Variants in TDRD5 observed in about 807,000 individuals in gnomAD.
TDRD5 encodes tudor domain-containing protein 5.
In TDRD5, 41 loss-of-function variants were observed where a neutral mutation model predicts 120.6. The ratio of observed to expected loss-of-function variants is 0.34; its 90% confidence interval spans 0.26 to 0.44. TDRD5 has a LOEUF of 0.44. TDRD5 is among the 20% of genes least tolerant of loss of function. The pLI is 1.00. For missense variants in TDRD5, 1,006 were observed against 1,221.2 expected (o/e 0.82, Z 2.63); for synonymous variants, 430 against 433.7 (o/e 0.99, Z 0.11).
chr1:179,634,385 A>G, intron 7 of TDRD5, 72 bp from the exon 8 acceptor site: 1 of 1,483,438 alleles, frequency 6.7e-7, no homozygotes, highest in Non-Finnish European at 9.1e-7. Context: ...AGCTATTTTA[A>G]CAAATATGCA....
At chr1:179,634,765 T>C (rs557895003) in intron 8 of TDRD5, 136 bp downstream of exon 8, 1 of 1,079,606 alleles carries the variant, frequency 9.3e-7, no homozygotes, top group South Asian at 2.1e-5. Flanking sequence ...AAATCATCTT[T>C]GTATTGAAGT....
chr1:179,599,785 C>A (rs1235184405), intron 4 of TDRD5, among the ~76,000 whole-genome samples: 1 of 152,152 alleles, frequency 6.6e-6, no homozygotes, highest in Admixed American at 6.5e-5. Flanking sequence ...AACAAGACTG[C>A]ATGTGCAACA....
At chr1:179,687,138 G>A (rs955523151) in intron 17 of TDRD5, among the ~76,000 whole-genome samples, 3 of 152,100 alleles carry the variant, frequency 2.0e-5, no homozygotes, top group African/African-American at 7.2e-5. Context: ...TGATGTTAGG[G>A]TGTCAATTTT....
intron 17 of TDRD5, among the ~76,000 whole-genome samples, chr1:179,685,047 A>G (rs1392041110): frequency 6.6e-6 from 1 of 152,164 alleles, no homozygotes; most frequent in Non-Finnish European, 1.5e-5. Flanking sequence ...TCTTTAGTTT[A>G]GTTAGATCCC....
rs189377544 is a variant in TDRD5, at chr1:179,603,173, C to T, written c.831+7355C>T. Among the ~76,000 whole-genome samples the T allele has an allele frequency of 1.8e-3, 278 of 152,032 alleles. 1 individual carries two copies. The highest frequency in any genetic ancestry group is 1.3e-3 in the Non-Finnish European group (91 of 67,928). ...GGGTTGAGTTCTTGATTTGACTCTC[C>T]GCTTGGTCACTTTTGGTGTATAGAA... On this transcript the variant is annotated intron_variant, in intron 4 of 17. Transcript: ENST00000444136.
intron 17 of TDRD5, among the ~76,000 whole-genome samples, chr1:179,687,797 A>G (rs1680815546): frequency 6.6e-6 from 1 of 151,272 alleles, no homozygotes; most frequent in African/African-American, 2.4e-5. Context: ...CCATTATGTA[A>G]TGGCCTTCTT....
intron 11 of TDRD5, among the ~76,000 whole-genome samples, chr1:179,644,805 T>A (rs1678251591): frequency 6.6e-6 from 1 of 152,044 alleles, no homozygotes. Context: ...CTTTCTTGTT[T>A]CTATTATAAA....
chr1:179,631,208 A>T (rs969202724), intron 7 of TDRD5, among the ~76,000 whole-genome samples: 1 of 152,034 alleles, frequency 6.6e-6, no homozygotes, highest in Non-Finnish European at 1.5e-5. Flanking sequence ...TGGCTAACAC[A>T]GTGAAACCCC....
At chr1:179,595,969 T>G (rs898105222) in intron 4 of TDRD5, 151 bp downstream of exon 4, 6 of 757,852 alleles carry the variant, frequency 7.9e-6, no homozygotes, top group Non-Finnish European at 1.2e-5. Flanking sequence ...GTTCTGTAGA[T>G]TAGTAAGAAG....
Position 179,659,226 on chromosome 1 carries a change from G to A in TDRD5, c.2323-2878G>A, listed in dbSNP as rs375939178. ...AAAAACATGTATTCTGTTGTTTGGT[G>A]GAGTTTCTATAAATGTCAGATCCAA... On this transcript the variant is annotated intron_variant, in intron 14 of 17. Transcript: ENST00000444136. Among the ~76,000 whole-genome samples the A allele has an allele frequency of 1.5e-4, 23 of 152,218 alleles. No homozygotes were observed. In the South Asian group the frequency reaches 4.6e-3, roughly 30 times the overall value.
At chr1:179,642,842 A>C (rs1218554067) in intron 11 of TDRD5, among the ~76,000 whole-genome samples, 1 of 152,188 alleles carries the variant, frequency 6.6e-6, no homozygotes, top group Non-Finnish European at 1.5e-5. Flanking sequence ...ATAGCAACAG[A>C]CTATTATGCC....
At position 179,660,211 on chromosome 1, in the gene TDRD5, G is replaced by GT. The variant is rs34435630; in HGVS notation, c.2323-1867dup. On this transcript the variant is annotated intron_variant, in intron 14 of 17. Transcript: ENST00000444136. ...TTAGTATTCCATTTTATCTACTATG[G>GT]TTTTTTTTTTTTTTTTTTTTTTTTT... Among the ~76,000 whole-genome samples, 200 of 58,232 alleles carry GT rather than the reference G, an allele frequency of 3.4e-3. 35 individuals carry two copies. The highest frequency in any genetic ancestry group is 5.9e-3 in the African/African-American group (86 of 14,456). 38.2% of individuals were successfully genotyped at this position (58,232 alleles called of 152,430 possible).
chr1:179,640,096 T>A, intron 10 of TDRD5, 45 bp downstream of exon 10: 1 of 1,596,190 alleles, frequency 6.3e-7, no homozygotes, highest in Non-Finnish European at 8.6e-7. Context: ...AAATTTTGAA[T>A]CACAGTGTTG....
chr1:179,626,946 A>G (rs1677160059), intron 6 of TDRD5, among the ~76,000 whole-genome samples: 1 of 152,188 alleles, frequency 6.6e-6, no homozygotes, highest in Non-Finnish European at 1.5e-5. Context: ...CACACTGCAT[A>G]TCTGACAATA....
At chr1:179,626,589 A>G (rs1356390224) in intron 6 of TDRD5, among the ~76,000 whole-genome samples, 1 of 152,176 alleles carries the variant, frequency 6.6e-6, no homozygotes. Flanking sequence ...GTGCTGGCCT[A>G]TTTTGGGGTA....
intron 1 of TDRD5, chr1:179,592,393 T>C (rs935146905): frequency 1.2e-5 from 6 of 516,726 alleles, no homozygotes; most frequent in Admixed American, 6.5e-5. Context: ...GGCAGAGTTC[T>C]TGACACCTGT....
In TDRD5 at chr1:179,633,052, G is replaced by C. The variant is rs577309164; in HGVS notation, c.1127-1405G>C. ...TTGAAGTATGGTTTCTAATGAATGT[G>C]TATCACTTTCATACCATAAGAAAGT... On this transcript the variant is annotated intron_variant, in intron 7 of 17. Transcript: ENST00000444136. 2.6e-5 allele frequency among the ~76,000 whole-genome samples: 4 copies of C among 152,234 alleles called. No individual in the cohort carries two copies. The South Asian group carries it at 8.3e-4, about 32-fold the overall frequency.
intron 17 of TDRD5, among the ~76,000 whole-genome samples, chr1:179,677,202 G>T (rs532140248): frequency 6.6e-6 from 1 of 152,002 alleles, no homozygotes; most frequent in South Asian, 2.1e-4. Flanking sequence ...CAGAAGTTGT[G>T]ATTGTTTTTT....
intron 17 of TDRD5, among the ~76,000 whole-genome samples, chr1:179,681,877 C>T (rs1422352024): frequency 6.9e-6 from 1 of 144,904 alleles, no homozygotes; most frequent in Non-Finnish European, 1.5e-5. Context: ...TTTGTTTCTA[C>T]TACTATGTCT....
Sources: allele counts gnomAD v4.1 joint callset (sites outside exome capture counted in the v4.1 genomes callset), GRCh38; gene constraint gnomAD v4.1.1; transcripts MANE v1.5; gene names NCBI Gene and HGNC (gene_info 2026-07-23, HGNC 2026-07-21).